The following NAALADL2 variants were observed in gnomAD, a reference collection of about 807,000 sequenced individuals.
The protein encoded by NAALADL2 is inactive N-acetylated-alpha-linked acidic dipeptidase-like protein 2.
In NAALADL2, 76 loss-of-function variants were observed where a neutral mutation model predicts 87.2. The ratio of observed to expected loss-of-function variants is 0.87; its 90% confidence interval spans 0.72 to 1.05. The LOEUF is 1.05. Ranked by LOEUF, NAALADL2 falls within the 50% of genes least tolerant of loss-of-function variation. The pLI is 0.00. For missense variants in NAALADL2, 1,089 were observed against 945.8 expected (o/e 1.15, Z -1.99); for synonymous variants, 354 against 331.0 (o/e 1.07, Z -0.75).
At chr3:175,687,446 T>C (rs1414582114) in intron 11 of NAALADL2, among the ~76,000 whole-genome samples, 5 of 152,104 alleles carry the variant, frequency 3.3e-5, no homozygotes, top group African/African-American at 1.2e-4. Flanking sequence ...TAGAAGAAAT[T>C]TGGATGAGTA....
intron 10 of NAALADL2, among the ~76,000 whole-genome samples, chr3:175,605,621 A>G (rs537309670): frequency 7.0e-6 from 1 of 143,796 alleles, no homozygotes; most frequent in African/African-American, 2.6e-5. Context: ...GGCTGAGGAC[A>G]CCTAGATGTA....
chr3:174,745,475 C>T (rs1426686429), intron 3 of NAALADL2, among the ~76,000 whole-genome samples: 4 of 152,026 alleles, frequency 2.6e-5, no homozygotes, highest in Admixed American at 1.3e-4. Flanking sequence ...AAGTCTGGGG[C>T]CAGATGGATT....
chr3:175,000,532 A>G (rs1024391532), intron 1 of NAALADL2, among the ~76,000 whole-genome samples: 18 of 152,158 alleles, frequency 1.2e-4, no homozygotes, highest in Non-Finnish European at 1.8e-4. Context: ...TATGCCAACC[A>G]AGTAACTGGT....
chr3:175,746,007 A>G (rs181229212), intron 12 of NAALADL2, among the ~76,000 whole-genome samples: 3 of 152,180 alleles, frequency 2.0e-5, no homozygotes, highest in Admixed American at 6.5e-5. Context: ...CTAGGTACAC[A>G]TTTATTTAGT....
intron 3 of NAALADL2, among the ~76,000 whole-genome samples, chr3:174,752,076 C>G (rs187615961): frequency 3.5e-4 from 53 of 152,064 alleles, no homozygotes; most frequent in African/African-American, 1.1e-3. Flanking sequence ...CTCCCGGGTT[C>G]ACGCCATTCT....
At chr3:174,723,478 G>A (rs1178950307) in intron 2 of NAALADL2, among the ~76,000 whole-genome samples, 2 of 152,070 alleles carry the variant, frequency 1.3e-5, no homozygotes, top group African/African-American at 4.8e-5. Flanking sequence ...AGATAGGGCT[G>A]GGCGTGGTGG....
Position 175,709,548 on chromosome 3 carries a change from C to T in NAALADL2, c.1897-27758C>T, listed in dbSNP as rs996553730. Among the ~76,000 whole-genome samples, 4 of 152,100 alleles carry T rather than the reference C, an allele frequency of 2.6e-5. 1 individual carries two copies. The South Asian group carries it at 8.3e-4, about 32-fold the overall frequency. On this transcript the variant is annotated intron_variant, in intron 11 of 13. Coordinates refer to ENST00000454872, the MANE Select transcript of NAALADL2 (RefSeq NM_207015.3). ...TGTGAAGACCTCAGCCCCCAGGGGA[C>T]ATGTCCACCAGTTGCGTAGGCTTAT...
intron 4 of NAALADL2, among the ~76,000 whole-genome samples, chr3:175,289,394 C>A (rs58713608): frequency 6.6e-6 from 1 of 152,110 alleles, no homozygotes; most frequent in African/African-American, 2.4e-5. Context: ...AGTCCAGAAA[C>A]TGGTATGCAC....
At chr3:175,779,909 G>A (rs1260867599) in intron 13 of NAALADL2, among the ~76,000 whole-genome samples, 1 of 151,968 alleles carries the variant, frequency 6.6e-6, no homozygotes, top group Non-Finnish European at 1.5e-5. Context: ...GTAATATTTT[G>A]TAGTATAATT....
intron 2 of NAALADL2, among the ~76,000 whole-genome samples, chr3:174,621,366 G>A (rs1320218061): frequency 6.6e-6 from 1 of 152,064 alleles, no homozygotes; most frequent in Non-Finnish European, 1.5e-5. Flanking sequence ...ATCATTTTCT[G>A]ACAGATTAGA....
At chr3:175,628,940 C>T (rs1010718733) in intron 11 of NAALADL2, among the ~76,000 whole-genome samples, 12 of 150,386 alleles carry the variant, frequency 8.0e-5, no homozygotes, top group Non-Finnish European at 1.6e-4. Flanking sequence ...ATATCTAAAT[C>T]TCAGCTATAC....
At chr3:174,952,571 C>T (rs950806432) in intron 1 of NAALADL2, among the ~76,000 whole-genome samples, 4 of 152,060 alleles carry the variant, frequency 2.6e-5, no homozygotes, top group Admixed American at 2.6e-4. Context: ...GGACCATGAC[C>T]TCAGTCTATT....
intron 1 of NAALADL2, among the ~76,000 whole-genome samples, chr3:174,928,035 A>G (rs1319417041): frequency 6.6e-6 from 1 of 152,292 alleles, no homozygotes; most frequent in Admixed American, 6.5e-5. Flanking sequence ...ATTTTTCTTT[A>G]TGTATATTTA....
At chr3:175,585,069 A>G (rs546322495) in intron 10 of NAALADL2, among the ~76,000 whole-genome samples, 53 of 151,986 alleles carry the variant, frequency 3.5e-4, no homozygotes, top group African/African-American at 1.2e-3. Flanking sequence ...TTAAAACCCA[A>G]CATATTATAG....
intron 11 of NAALADL2, among the ~76,000 whole-genome samples, chr3:175,721,307 A>C (rs1338218730): frequency 6.6e-6 from 1 of 152,160 alleles, no homozygotes; most frequent in Non-Finnish European, 1.5e-5. Flanking sequence ...TACTTCAAGA[A>C]GGAGAAAAGG....
At chr3:175,039,852 T>C (rs67427142) in intron 1 of NAALADL2, among the ~76,000 whole-genome samples, 44,912 of 152,070 alleles carry the variant, frequency 0.3, 7,437 homozygotes, top group African/African-American at 0.44. Flanking sequence ...GCTTCTTGTT[T>C]TTTTTATTCA....
chr3:175,013,683 T>C (rs1195587383), intron 1 of NAALADL2, among the ~76,000 whole-genome samples: 1 of 152,068 alleles, frequency 6.6e-6, no homozygotes, highest in Non-Finnish European at 1.5e-5. Flanking sequence ...GAGAAAATTC[T>C]TCAAGAATTT....
chr3:174,990,060 G>A (rs1259999009), intron 1 of NAALADL2, among the ~76,000 whole-genome samples: 1 of 152,120 alleles, frequency 6.6e-6, no homozygotes. Flanking sequence ...TTTTGTGTAA[G>A]TAAATCAATA....
chr3:175,605,933 G>A (rs1040610129), intron 10 of NAALADL2, among the ~76,000 whole-genome samples: 2 of 152,024 alleles, frequency 1.3e-5, no homozygotes, highest in African/African-American at 4.8e-5. Flanking sequence ...ATCCTTTGGT[G>A]GAAAACAGCA....
Sources: gnomAD v4.1 joint callset for allele counts (sites outside exome capture counted in the v4.1 genomes callset) on GRCh38, gnomAD v4.1.1 for gene constraint, MANE v1.5 for transcripts, NCBI Gene and HGNC (gene_info 2026-07-23, HGNC 2026-07-21) for gene names.